JCAD: variants seen among roughly 807,000 people sequenced by gnomAD.
JCAD encodes junctional cadherin 5 associated.
In JCAD, 40 loss-of-function variants were observed where a neutral mutation model predicts 98.0. The ratio of observed to expected loss-of-function variants is 0.41; its 90% CI spans 0.32 to 0.53. The LOEUF (loss-of-function observed/expected upper bound fraction) is 0.53. Ranked by LOEUF, JCAD falls within the 20% of genes least tolerant of loss-of-function variation. The probability of loss-of-function intolerance (pLI) is 0.31; values close to 1 mark genes in which losing one functional copy is unlikely to be tolerated. For synonymous variants in JCAD, 691 were observed against 682.3 expected, an observed-to-expected ratio of 1.01 and a Z score of -0.20; for missense variants, 1,705 against 1,738.1, an observed-to-expected ratio of 0.98 and a Z score of 0.34.
At chr10:30,020,607 AC>A (rs1391379025) in intron 3 of JCAD, among the ~76,000 whole-genome samples, 1 of 152,204 alleles carries the variant, frequency 6.6e-6, no homozygotes, top group African/African-American at 2.4e-5. Context: ...GTTTGCTCAA[AC>A]GTCATCAGCT....
intron 2 of JCAD, among the ~76,000 whole-genome samples, chr10:30,036,317 T>C (rs576947283): frequency 6.6e-6 from 1 of 152,060 alleles, no homozygotes; most frequent in South Asian, 2.1e-4. Flanking sequence ...GGCGTGGTAG[T>C]GGGTGCCTGT....
chr10:30,029,211 A>G lies in JCAD; in HGVS notation c.937T>C (p.Ser313Pro). 1 of 1,614,092 alleles carries G rather than the reference A, an allele frequency of 6.2e-7. No homozygotes were observed. Among genetic ancestry groups the G allele is most frequent in the Non-Finnish European group, 8.5e-7 (1 of 1,180,016 alleles). Residue 313 changes from serine to proline, a missense_variant, in exon 3 of 4, where the codon TCT becomes CCT. Transcript: ENST00000375377. ...QSRGGADSSDSQDSQQMDAYV... is the reference protein window; with the variant it reads ...QSRGGADSSDPQDSQQMDAYV... The stretch of plus-strand genomic sequence containing the variant: ...GCGTCCATCTGCTGGCTGTCCTGAG[A>G]GTCACTGCTGTCCGCTCCTCCCCTA...
At position 30,027,353 on chromosome 10, in the gene JCAD, G is replaced by A. The variant is rs1208673745; in HGVS notation, c.2795C>T (p.Pro932Leu). Residue 932 changes from proline to leucine, a missense_variant, in exon 3 of 4, where the codon CCG becomes CTG. Coordinates refer to ENST00000375377, the MANE Select transcript of JCAD (RefSeq NM_020848.4). The part of the protein sequence containing the change: ...PGHPRAWPPS[P>L]GRFRVEEGGG... ...ACCTTCTTCCACGCGAAAGCGGCCCGGGGATGGAGGCCAGGCACGTGGGTG... is the reference window on the plus strand; with the variant it reads ...ACCTTCTTCCACGCGAAAGCGGCCCAGGGATGGAGGCCAGGCACGTGGGTG... 19 of 1,611,330 alleles carry A rather than the reference G, an allele frequency of 1.2e-5. No homozygotes were observed. The highest frequency in any genetic ancestry group is 1.5e-5 in the Non-Finnish European group (18 of 1,180,032).
intron 1 of JCAD, among the ~76,000 whole-genome samples, chr10:30,089,162 C>T (rs1263665200): frequency 6.6e-6 from 1 of 151,922 alleles, no homozygotes; most frequent in East Asian, 1.9e-4. Flanking sequence ...GAGGCTGTAC[C>T]ATGTCCTTGG....
intron 1 of JCAD, among the ~76,000 whole-genome samples, chr10:30,078,039 G>A (rs1036872748): frequency 1.3e-5 from 2 of 152,222 alleles, no homozygotes; most frequent in African/African-American, 4.8e-5. Flanking sequence ...GCAATGAAGG[G>A]AGGGTTCCAA....
Position 30,029,061 on chromosome 10 carries a change from G to A in JCAD, c.1087C>T (p.Pro363Ser), listed in dbSNP as rs1329376185. Reference protein sequence around the residue: ...IPNPYLEDTVPINVCGGHSQQ... With the variant: ...IPNPYLEDTVSINVCGGHSQQ... ...CTGTGACCGCCACACACATTTATGG[G>A]CACCGTGTCTTCCAAGTAGGGGTTT... Residue 363 changes from proline to serine, a missense_variant, in exon 3 of 4, where the codon CCC becomes TCC. Around this residue, in one of 3 missense-constraint regions of JCAD, gnomAD observed 275 missense variants for 346.9 expected, o/e 0.79. Transcript: ENST00000375377. The A allele has an allele frequency of 6.8e-6, 11 of 1,613,992 alleles. No individual in the cohort carries two copies. Among genetic ancestry groups the A allele is most frequent in the Admixed American group, 3.3e-5 (2 of 59,994 alleles).
At chr10:30,018,233 A>C (rs2132599058) in intron 3 of JCAD, among the ~76,000 whole-genome samples, 1 of 151,352 alleles carries the variant, frequency 6.6e-6, no homozygotes, top group Middle Eastern at 3.4e-3. Flanking sequence ...ACTGGCAGTG[A>C]TGTGTTTGGC....
chr10:30,081,797 A>T (rs1324465723), intron 1 of JCAD, among the ~76,000 whole-genome samples: 3 of 152,190 alleles, frequency 2.0e-5, no homozygotes, highest in Non-Finnish European at 4.4e-5. Flanking sequence ...CTGCCTAGAA[A>T]AGAAAACTGT....
At chr10:30,048,814 C>T (rs1488887291) in intron 1 of JCAD, among the ~76,000 whole-genome samples, 1 of 152,124 alleles carries the variant, frequency 6.6e-6, no homozygotes, top group African/African-American at 2.4e-5. Context: ...GTAATCCACC[C>T]GCCTCTGCCT....
In JCAD at chr10:30,048,005, G is replaced by A. The variant is rs183590058; in HGVS notation, c.-59-134C>T. 1.1e-5 allele frequency: 6 copies of A among 532,690 alleles called. No individual in the cohort carries two copies. In the East Asian group the frequency reaches 1.2e-4, roughly 11 times the overall value. The allele number at this position is 532,690 out of a possible 1,614,324, so 33.0% of individuals were successfully genotyped here. A position where few individuals can be genotyped will look rare whatever the true frequency, so the allele number is the denominator to read the frequency against. On this transcript the variant is annotated intron_variant, in intron 1 of 3. Coordinates refer to ENST00000375377, the MANE Select transcript of JCAD (RefSeq NM_020848.4). ...AGCACAGAACCTGCACAGAAAGAGGGGACACAGGGATGGCTCTGCCTGAAA... is the reference window on the plus strand; with the variant it reads ...AGCACAGAACCTGCACAGAAAGAGGAGACACAGGGATGGCTCTGCCTGAAA...
chr10:30,040,278 G>A (rs1307822180), intron 2 of JCAD, among the ~76,000 whole-genome samples: 2 of 152,240 alleles, frequency 1.3e-5, no homozygotes, highest in African/African-American at 2.4e-5. Context: ...CAATACGGAT[G>A]CAGAACAAAC....
At chr10:30,038,695 A>AAC (rs1405065923) in intron 2 of JCAD, among the ~76,000 whole-genome samples, 2 of 146,488 alleles carry the variant, frequency 1.4e-5, no homozygotes, top group Admixed American at 1.3e-4. Flanking sequence ...AAATAAAAAA[A>AAC]AAAAAAAAAA....
chr10:30,089,341 C>T (rs1334591102), intron 1 of JCAD, among the ~76,000 whole-genome samples: 1 of 152,138 alleles, frequency 6.6e-6, no homozygotes, highest in African/African-American at 2.4e-5. Flanking sequence ...GGAGAGAAGG[C>T]AGAGGCTCGG....
At position 30,035,043 on chromosome 10, in the gene JCAD, G is replaced by A. The variant is rs74463917; in HGVS notation, c.282-5177C>T. 7.7e-3 allele frequency among the ~76,000 whole-genome samples: 1,177 copies of A among 152,254 alleles called. 18 individuals are homozygous for A. The highest frequency in any genetic ancestry group is 0.026 in the African/African-American group (1,077 of 41,542). On this transcript the variant is annotated intron_variant, in intron 2 of 3. Coordinates refer to ENST00000375377, the MANE Select transcript of JCAD (RefSeq NM_020848.4). ...GGAAACCGTACCGTGTGGCTTTGAC[G>A]CGTTTTTCTCAATTGATATTCGGGT... is the stretch of plus-strand genomic sequence containing the variant.
In JCAD at chr10:30,053,725, T is replaced by C. The variant is rs77941951; in HGVS notation, c.-60+5757A>G. On this transcript the variant is annotated intron_variant, in intron 1 of 3. Transcript: ENST00000375377. ...AGGATAGTTATCCCAGTTTTAATTA[T>C]GATAATAACAAAATTAGACTAAATG... 4.6e-5 allele frequency among the ~76,000 whole-genome samples: 7 copies of C among 151,260 alleles called. No homozygotes were observed. In the East Asian group the frequency reaches 5.8e-4, roughly 13 times the overall value.
At position 30,028,289 on chromosome 10, in the gene JCAD, T is replaced by C; in HGVS notation, c.1859A>G (p.Gln620Arg). ...AGACATGCTCAGCAGACTCTGTTCT[T>C]GCAGAGCCGGGCTCTTATCAGACCC... Reference protein sequence around the residue: ...KNGSDKSPALQEQSLLSMSST... With the variant: ...KNGSDKSPALREQSLLSMSST... Residue 620 changes from glutamine (Q) to arginine (R), a missense_variant, in exon 3 of 4, where the codon CAA becomes CGA. Around this residue, in one of 3 missense-constraint regions of JCAD, gnomAD observed 1,278 missense variants for 1,243.1 expected, o/e 1.03. Transcript: ENST00000375377. 6.2e-7 allele frequency: 1 copy of C among 1,614,226 alleles called. No homozygotes were observed. Among genetic ancestry groups the C allele is most frequent in the Non-Finnish European group, 8.5e-7 (1 of 1,180,038 alleles).
chr10:30,096,247 C>T (rs1180496663), intron 1 of JCAD, among the ~76,000 whole-genome samples: 1 of 152,192 alleles, frequency 6.6e-6, no homozygotes, highest in Non-Finnish European at 1.5e-5. Context: ...CAGACCAACA[C>T]TGATGATGGG....
At position 30,028,443 on chromosome 10, in the gene JCAD, T is replaced by C. The variant is rs1236298695; in HGVS notation, c.1705A>G (p.Lys569Glu). The C allele has an allele frequency of 1.9e-6, 3 of 1,614,246 alleles. No homozygotes were observed. The highest frequency in any genetic ancestry group is 2.5e-6 in the Non-Finnish European group (3 of 1,180,050). ...KKFQTGTRTK[K>E]SSKKKMNETI... is the part of the protein sequence containing the mutation. ...TCGTTCATTTTTTTCTTTGAACTTT[T>C]CTTGGTCCGAGTCCCAGTTTGGAAC... is the stretch of plus-strand genomic sequence containing the variant. The change falls in exon 3 of 4, where the codon AAA becomes GAA. Residue 569 changes from lysine (K) to glutamate (E), a missense_variant. Around this residue, in one of 3 missense-constraint regions of JCAD, gnomAD observed 1,278 missense variants for 1,243.1 expected, o/e 1.03. Transcript: ENST00000375377.
intron 1 of JCAD, among the ~76,000 whole-genome samples, chr10:30,109,212 G>A (rs1054592464): frequency 6.6e-6 from 1 of 152,200 alleles, no homozygotes; most frequent in African/African-American, 2.4e-5. Context: ...AATTGGCCTT[G>A]ATGGGACAAA....
Sources: gnomAD v4.1 joint callset for allele counts (sites outside exome capture counted in the v4.1 genomes callset) on GRCh38, gnomAD v4.1.1 for gene constraint, gnomAD v4.1.1 regional missense constraint, MANE v1.5 for transcripts, NCBI Gene and HGNC (gene_info 2026-07-23, HGNC 2026-07-21) for gene names.